BCAS3: variants seen among roughly 807,000 people sequenced by gnomAD.
BCAS3 encodes the protein BCAS3 microtubule associated cell migration factor, also known as BCAS4/BCAS3 fusion.
In BCAS3, 53 loss-of-function variants were observed where a neutral mutation model predicts 116.1. The observed-to-expected ratio is 0.46, with a 90% CI of 0.37 to 0.57. The LOEUF is 0.57. Ranked by LOEUF, BCAS3 falls within the 20% of genes least tolerant of loss-of-function variation. BCAS3 has a pLI of 0.00. For synonymous variants in BCAS3, 391 were observed against 408.2 expected (o/e 0.96, Z 0.51); for missense variants, 917 against 1,165.4 (o/e 0.79, Z 3.10).
intron 6 of BCAS3, among the ~76,000 whole-genome samples, chr17:60,804,057 C>A (rs2144605519): frequency 6.6e-6 from 1 of 151,088 alleles, no homozygotes; most frequent in Admixed American, 6.6e-5. Context: ...CCCGCCACGG[C>A]CTCCCAAAGT....
chr17:61,254,001 G>A (rs1308728370), intron 22 of BCAS3, among the ~76,000 whole-genome samples: 4 of 152,014 alleles, frequency 2.6e-5, no homozygotes, highest in Non-Finnish European at 4.4e-5. Context: ...ATACTCATAA[G>A]ATCTAAAATT....
chr17:60,784,830 T>C (rs1009937335), intron 6 of BCAS3, among the ~76,000 whole-genome samples: 3 of 150,924 alleles, frequency 2.0e-5, no homozygotes, highest in Admixed American at 6.6e-5. Context: ...GCGCAGTGGC[T>C]CACGCCTGTA....
chr17:61,306,450 A>G (rs890089920), intron 22 of BCAS3, among the ~76,000 whole-genome samples: 9 of 152,256 alleles, frequency 5.9e-5, no homozygotes, highest in African/African-American at 1.7e-4. Context: ...AAAGTACTCA[A>G]TAGCACCAAA....
At chr17:61,267,401 G>T (rs536678443) in intron 22 of BCAS3, among the ~76,000 whole-genome samples, 16 of 151,356 alleles carry the variant, frequency 1.1e-4, no homozygotes, top group Admixed American at 7.9e-4. Flanking sequence ...TAAATTAAAA[G>T]ATATTAAGTC....
At chr17:60,899,474 A>G (rs1599543808) in intron 10 of BCAS3, among the ~76,000 whole-genome samples, 1 of 151,166 alleles carries the variant, frequency 6.6e-6, no homozygotes, top group East Asian at 1.9e-4. Flanking sequence ...CCCAGATCAC[A>G]CCCTAGTCCC....
chr17:60,925,954 A>G (rs775214269), intron 13 of BCAS3, among the ~76,000 whole-genome samples: 2 of 152,134 alleles, frequency 1.3e-5, no homozygotes, highest in Non-Finnish European at 2.9e-5. Flanking sequence ...TACCCTATAC[A>G]CATAGCCTGA....
Position 60,924,424 on chromosome 17 carries a change from T to G in BCAS3, c.1011T>G (p.Asp337Glu), listed in dbSNP as rs199756332. ...VGEGQVLVSEDSDSDGIVAHF... is the reference protein window; with the variant it reads ...VGEGQVLVSEESDSDGIVAHF... ...TTGTGAAGGTGCTTGTGAGTGAGGA[T>G]TCTGACAGTGATGGCATTGTGGCCC... The change falls in exon 13 of 24, where the codon GAT (aspartate) becomes GAG (glutamate). Residue 337 changes from aspartate (D) to glutamate (E), a missense_variant. Physicochemically the swap from Asp to Glu is conservative, Grantham distance 45. Transcript: ENST00000407086. The G allele has an allele frequency of 1.2e-4, 193 of 1,613,914 alleles. No homozygotes were observed. Among genetic ancestry groups the G allele is most frequent in the Non-Finnish European group, 1.6e-4 (184 of 1,179,856 alleles).
In BCAS3 at chr17:60,947,315, A is replaced by G. The variant is rs1284391603; in HGVS notation, c.1184A>G (p.His395Arg). The change falls in exon 14 of 24, where the codon CAT becomes CGT. Residue 395 changes from histidine to arginine, a missense_variant. Transcript: ENST00000407086. ...PWSSSQCAVHHLYTLHRGETE... is the reference protein window; with the variant it reads ...PWSSSQCAVHRLYTLHRGETE... ...TCCTCATCACAATGTGCTGTCCACCATCTGTATACTCTTCACAGGGGAGAA... is the reference window on the plus strand; with the variant it reads ...TCCTCATCACAATGTGCTGTCCACCGTCTGTATACTCTTCACAGGGGAGAA... The G allele has an allele frequency of 1.9e-6, 3 of 1,613,730 alleles. No individual in the cohort carries two copies. Among genetic ancestry groups the G allele is most frequent in the Non-Finnish European group, 2.5e-6 (3 of 1,179,822 alleles).
intron 4 of BCAS3, among the ~76,000 whole-genome samples, chr17:60,702,239 G>A (rs571131610): frequency 6.6e-6 from 1 of 152,160 alleles, no homozygotes; most frequent in Non-Finnish European, 1.5e-5. Flanking sequence ...ACCTCCTGCC[G>A]CTGTTGCAGG....
Position 61,015,837 on chromosome 17 carries a change from G to C in BCAS3, c.1573G>C (p.Val525Leu). ...PRLSPLPSLM[V>L]VMPLAQIKQP... is the part of the protein sequence containing the mutation. ...GCTCTCTCCTCTTCCCAGCTTGATG[G>C]TAGTGATGCCTCTTGCACAAATCAA... The change falls in exon 16 of 24, where the codon GTA becomes CTA. Residue 525 changes from valine to leucine, a missense_variant. Val to Leu is a conservative substitution (Grantham distance 32). Coordinates refer to ENST00000407086, the MANE Select transcript of BCAS3 (RefSeq NM_017679.5). 1.2e-6 allele frequency: 2 copies of C among 1,614,044 alleles called. No homozygotes were observed. The highest frequency in any genetic ancestry group is 1.7e-6 in the Non-Finnish European group (2 of 1,179,958).
chr17:60,982,718 A>G (rs991087405), intron 14 of BCAS3, among the ~76,000 whole-genome samples: 1 of 150,600 alleles, frequency 6.6e-6, no homozygotes, highest in African/African-American at 2.5e-5. Context: ...GAATTATTAT[A>G]TTTTGAATTG....
chr17:60,979,652 T>G (rs2062660181), intron 14 of BCAS3, among the ~76,000 whole-genome samples: 1 of 150,722 alleles, frequency 6.6e-6, no homozygotes, highest in African/African-American at 2.5e-5. Flanking sequence ...TAGCTCTTAT[T>G]ATTTTGAAAT....
Position 61,046,330 on chromosome 17 carries a change from G to A in BCAS3, c.2029+5438G>A, listed in dbSNP as rs76093337. Among the ~76,000 whole-genome samples the A allele has an allele frequency of 6.3e-3, 940 of 148,776 alleles. 12 individuals carry two copies. Among genetic ancestry groups the A allele is most frequent in the Non-Finnish European group, 9.6e-3 (643 of 67,314 alleles). ...TTTTTTGTTTTCCTTAACTATATTG[G>A]AAATCACCTATTTCCCAACTTGAAG... is the stretch of plus-strand genomic sequence containing the variant. On this transcript the variant is annotated intron_variant, in intron 19 of 23. Transcript: ENST00000407086.
chr17:60,948,412 C>T (rs780844358), intron 14 of BCAS3, among the ~76,000 whole-genome samples: 35 of 152,322 alleles, frequency 2.3e-4, no homozygotes, highest in Non-Finnish European at 4.1e-4. Flanking sequence ...GCATGAGCCA[C>T]CGCGCCTGGC....
In BCAS3 at chr17:61,370,691, A is replaced by G. The variant is rs113704187; in HGVS notation, c.2593+2197A>G. On this transcript the variant is annotated intron_variant, in intron 23 of 23. Transcript: ENST00000407086. Reference sequence around the variant, plus strand: ...CGTGAGCCACCATGCCCAGCCTAAAACTACTCCCATTTTAAAGGCCAGTAA... The same window carrying G: ...CGTGAGCCACCATGCCCAGCCTAAAGCTACTCCCATTTTAAAGGCCAGTAA... Among the ~76,000 whole-genome samples the G allele has an allele frequency of 3.4e-3, 520 of 152,302 alleles. 4 individuals carry two copies. Among genetic ancestry groups the G allele is most frequent in the South Asian group, 0.021 (99 of 4,816 alleles).
chr17:61,025,812 C>T (rs1009757100), intron 16 of BCAS3, among the ~76,000 whole-genome samples: 58 of 152,136 alleles, frequency 3.8e-4, no homozygotes, highest in African/African-American at 1.3e-3. Flanking sequence ...GTATATAATG[C>T]GCTTCAAGCC....
At chr17:60,889,807 G>T in intron 10 of BCAS3, 36 bp downstream of exon 10, 1 of 1,552,262 alleles carries the variant, frequency 6.4e-7, no homozygotes, top group South Asian at 1.1e-5. Context: ...ATTTGTAATG[G>T]AGCAAGTGTT....
At position 61,350,414 on chromosome 17, in the gene BCAS3, C is replaced by CAGTA. The variant is rs137912275; in HGVS notation, c.2426-17912_2426-17911insGTAA. On this transcript the variant is annotated intron_variant, in intron 22 of 23. Transcript: ENST00000407086. ...TGGGCGACAGAGCGAGACTCTGTCT[C>CAGTA]AATAAATAAATAAATAAATAAATAA... 1.9e-3 allele frequency among the ~76,000 whole-genome samples: 261 copies of CAGTA among 136,760 alleles called. 3 individuals are homozygous for CAGTA. Among genetic ancestry groups the CAGTA allele is most frequent in the African/African-American group, 6.4e-3 (240 of 37,368 alleles). The allele number at this position is 136,760 out of a possible 152,430, so 89.7% of individuals were successfully genotyped here.
intron 7 of BCAS3, among the ~76,000 whole-genome samples, chr17:60,837,740 A>G (rs577002101): frequency 8.8e-5 from 13 of 147,998 alleles, no homozygotes; most frequent in South Asian, 2.1e-4. Flanking sequence ...TGCAACCTCT[A>G]TCTCCTGGGT....
Sources: gnomAD v4.1 joint callset for allele counts (sites outside exome capture counted in the v4.1 genomes callset) on GRCh38, gnomAD v4.1.1 for gene constraint, MANE v1.5 for transcripts, NCBI Gene and HGNC (gene_info 2026-07-23, HGNC 2026-07-21) for gene names.